Variants in PPIC observed in about 807,000 individuals in gnomAD.
PPIC encodes peptidyl-prolyl cis-trans isomerase C.
PPIC carries 19 observed loss-of-function variants against 19.5 expected under a neutral mutation model. That is an observed-to-expected ratio of 0.98 (90% CI 0.68 to 1.43). The LOEUF (loss-of-function observed/expected upper bound fraction) is 1.43, where lower values mean the gene tolerates loss of function less well. Ranked by LOEUF, PPIC falls within the 40% of genes most tolerant of loss-of-function variation. The pLI is 0.00. For synonymous variants in PPIC, 107 were observed against 101.2 expected, an observed-to-expected ratio of 1.06 and a Z score of -0.34; for missense variants, 268 against 268.6, an observed-to-expected ratio of 1.00 and a Z score of 0.02.
In PPIC at chr5:123,029,340, T is replaced by C. The variant is rs1762911846; in HGVS notation, c.196A>G (p.Thr66Ala). 2 of 1,613,242 alleles carry C rather than the reference T, an allele frequency of 1.2e-6. No individual in the cohort carries two copies. Among genetic ancestry groups the C allele is most frequent in the African/African-American group, 2.7e-5 (2 of 75,042 alleles). Residue 66 changes from threonine (T) to alanine (A), a missense_variant, in exon 2 of 5, where the codon ACA (threonine) becomes GCA (alanine). Coordinates refer to ENST00000306442, the MANE Select transcript of PPIC (RefSeq NM_000943.5). ...IGLFGKVVPKTVENFVALATG... is the reference protein window; with the variant it reads ...IGLFGKVVPKAVENFVALATG... ...GCTAGAGCAACAAAATTTTCCACTGTCTTGGGCACAACTTTTCCAAAGAGG... is the reference window on the plus strand; with the variant it reads ...GCTAGAGCAACAAAATTTTCCACTGCCTTGGGCACAACTTTTCCAAAGAGG...
intron 1 of PPIC, among the ~76,000 whole-genome samples, chr5:123,035,859 C>G (rs1240249155): frequency 1.3e-5 from 2 of 152,024 alleles, no homozygotes; most frequent in East Asian, 1.9e-4. Context: ...GGAGGCTGCC[C>G]CAGGTCTACA....
At position 123,023,957 on chromosome 5, in the gene PPIC, C is replaced by T. The variant is rs1357084862; in HGVS notation, c.557G>A (p.Arg186His). ...GATGATCGAGCAGTTGGTGAGTGGA[C>T]GGTCATGCCCATCAGTTGCTTGGAG... ...IELQATDGHDRPLTNCSIINS... is the reference protein window; with the variant it reads ...IELQATDGHDHPLTNCSIINS... The change falls in exon 5 of 5, where the codon CGT (arginine) becomes CAT (histidine). Residue 186 changes from arginine (R) to histidine (H), a missense_variant. By Grantham distance (29) the Arg-to-His change is conservative. Transcript: ENST00000306442. 3.1e-6 allele frequency: 5 copies of T among 1,614,024 alleles called. No homozygotes were observed. The highest frequency in any genetic ancestry group is 2.2e-5 in the East Asian group (1 of 44,876).
chr5:123,023,816 A>C lies in PPIC; in HGVS notation c.*59T>G. 6.3e-7 allele frequency: 1 copy of C among 1,576,528 alleles called. No individual in the cohort carries two copies. Among genetic ancestry groups the C allele is most frequent in the Non-Finnish European group, 8.6e-7 (1 of 1,159,502 alleles). ...AATTGAAAGACAACACAACACACACACACACACACACACACACACACCCCT... is the reference window on the plus strand; with the variant it reads ...AATTGAAAGACAACACAACACACACCCACACACACACACACACACACCCCT... On this transcript the variant is annotated 3_prime_UTR_variant, in exon 5 of 5. Transcript: ENST00000306442.
chr5:123,026,019 C>A (rs1762848132), intron 3 of PPIC, 51 bp from the exon 4 acceptor site: 1 of 1,490,454 alleles, frequency 6.7e-7, no homozygotes, highest in Non-Finnish European at 9.0e-7. Flanking sequence ...AAAGTCAGCT[C>A]TTCAAAGGGA....
At chr5:123,024,095 T>G (rs1050845651) in intron 4 of PPIC, 92 bp from the exon 5 acceptor site, 6 of 1,474,324 alleles carry the variant, frequency 4.1e-6, no homozygotes, top group Non-Finnish European at 5.5e-6. Context: ...AAAGCCCAAG[T>G]GGGAAGGAAA....
At chr5:123,031,334 C>T (rs1224016096) in intron 1 of PPIC, among the ~76,000 whole-genome samples, 1 of 152,168 alleles carries the variant, frequency 6.6e-6, no homozygotes, top group Admixed American at 6.5e-5. Context: ...GCCCCCCAAA[C>T]ACTGTATGCC....
At chr5:123,027,519 A>G (rs1009222699) in intron 3 of PPIC, among the ~76,000 whole-genome samples, 16 of 152,190 alleles carry the variant, frequency 1.1e-4, no homozygotes, top group African/African-American at 2.7e-4. Context: ...GGGTTTTCCA[A>G]TGAGATCCAC....
intron 1 of PPIC, among the ~76,000 whole-genome samples, chr5:123,030,006 C>T (rs1042591526): frequency 6.6e-6 from 1 of 152,132 alleles, no homozygotes; most frequent in Non-Finnish European, 1.5e-5. Context: ...CACTCATGTC[C>T]AAGCACAATA....
rs566604201 is a variant in PPIC, at chr5:123,025,671, A to T, written c.510+113T>A. On this transcript the variant is annotated intron_variant, in intron 4 of 4. Coordinates refer to ENST00000306442, the MANE Select transcript of PPIC (RefSeq NM_000943.5). ...TAATTTATTCACCTTTGAAGAGGCC[A>T]GTCAGCTATATAATGGATCTCTAAC... The T allele has an allele frequency of 3.5e-5, 38 of 1,078,066 alleles. No homozygotes were observed. The African/African-American group carries it at 6.2e-4, about 17-fold the overall frequency. The allele number at this position is 1,078,066 out of a possible 1,614,324, so 66.8% of individuals were successfully genotyped here.
At position 123,029,421 on chromosome 5, in the gene PPIC, G is replaced by T. The variant is rs1363331587; in HGVS notation, c.118-3C>A. 6.4e-7 allele frequency: 1 copy of T among 1,573,764 alleles called. No homozygotes were observed. The highest frequency in any genetic ancestry group is 1.9e-5 in the Admixed American group (1 of 53,204). Reference sequence around the variant, plus strand: ...CCAATCCTCACATCAAAGAAGACCTGTGTGCAGTTGAAAGGCAAAGTGGAA... The same window carrying T: ...CCAATCCTCACATCAAAGAAGACCTTTGTGCAGTTGAAAGGCAAAGTGGAA... On this transcript the variant is annotated splice_polypyrimidine_tract_variant and splice_region_variant and intron_variant, in intron 1 of 4. Coordinates refer to ENST00000306442, the MANE Select transcript of PPIC (RefSeq NM_000943.5).
Position 123,036,275 on chromosome 5 carries a change from A to T in PPIC, c.117+234T>A, listed in dbSNP as rs1165022367. 1 of 556,094 alleles carries T rather than the reference A, an allele frequency of 1.8e-6. No individual in the cohort carries two copies. The highest frequency in any genetic ancestry group is 3.2e-6 in the Non-Finnish European group (1 of 312,262). The allele number at this position is 556,094 out of a possible 1,614,324, so 34.4% of individuals were successfully genotyped here. ...CCGACCCGGGACAAGAAGTCCAAGC[A>T]GACTGCGGCGGAGGTAGGCTGGCCT... On this transcript the variant is annotated intron_variant, in intron 1 of 4. Transcript: ENST00000306442. The surrounding 1 kb of genome is among the most constrained non-coding windows in gnomAD (Gnocchi z 4.5).
chr5:123,035,999 G>C (rs1763004865), intron 1 of PPIC, among the ~76,000 whole-genome samples: 1 of 152,122 alleles, frequency 6.6e-6, no homozygotes, highest in Non-Finnish European at 1.5e-5. Flanking sequence ...TCTCTCATCT[G>C]AACCAGGCGC....
In PPIC at chr5:123,025,082, G is replaced by A. The variant is rs45547443; in HGVS notation, c.510+702C>T. On this transcript the variant is annotated intron_variant, in intron 4 of 4. Transcript: ENST00000306442. ...CTCTGTGAATGTGACCTAGGTGTCTGAGCTGAACCAGATGGGATTCTGGGG... is the reference window on the plus strand; with the variant it reads ...CTCTGTGAATGTGACCTAGGTGTCTAAGCTGAACCAGATGGGATTCTGGGG... Among the ~76,000 whole-genome samples the A allele has an allele frequency of 7.5e-4, 114 of 152,332 alleles. 1 individual carries two copies. The highest frequency in any genetic ancestry group is 2.6e-3 in the African/African-American group (107 of 41,582).
At chr5:123,028,499 T>A (rs1762895796) in intron 3 of PPIC, 2 of 341,760 alleles carry the variant, frequency 5.9e-6, no homozygotes, top group Non-Finnish European at 1.0e-5. Flanking sequence ...GGCTACTGAC[T>A]AGTAGTCTGG....
In PPIC at chr5:123,036,589, G is replaced by C. The variant is rs1763018645; in HGVS notation, c.37C>G (p.Leu13Val). ...PGPRLLLPLV[L>V]CVGLGALVFS... ...ACAAGTGCGCCGAGCCCCACGCAAA[G>C]CACGAGAGGTAGCAGCAGCCGAGGA... The change falls in exon 1 of 5, where the codon CTT becomes GTT. Residue 13 changes from leucine (L) to valine (V), a missense_variant. Coordinates refer to ENST00000306442, the MANE Select transcript of PPIC (RefSeq NM_000943.5). The surrounding 1 kb of genome is among the most constrained non-coding windows in gnomAD (Gnocchi z 4.5). 5 of 1,597,798 alleles carry C rather than the reference G, an allele frequency of 3.1e-6. No homozygotes were observed. The highest frequency in any genetic ancestry group is 1.3e-5 in the African/African-American group (1 of 74,760).
Position 123,029,401 on chromosome 5 carries a change from C to G in PPIC, c.135G>C (p.Arg45Ser). Residue 45 changes from arginine to serine, a missense_variant, in exon 2 of 5, where the codon AGG (arginine) becomes AGC (serine). Physicochemically the swap from Arg to Ser is moderately radical, Grantham distance 110. Coordinates refer to ENST00000306442, the MANE Select transcript of PPIC (RefSeq NM_000943.5). ...TTCTGCCAACATCTTTGTCTCCAATCCTCACATCAAAGAAGACCTGTGTGC... is the reference window on the plus strand; with the variant it reads ...TTCTGCCAACATCTTTGTCTCCAATGCTCACATCAAAGAAGACCTGTGTGC... ...SVTAKVFFDV[R>S]IGDKDVGRIV... 1.9e-6 allele frequency: 3 copies of G among 1,603,706 alleles called. No homozygotes were observed. In the South Asian group the frequency reaches 3.4e-5, roughly 18 times the overall value.
chr5:123,034,316 T>G (rs1762976287), intron 1 of PPIC, among the ~76,000 whole-genome samples: 1 of 152,140 alleles, frequency 6.6e-6, no homozygotes, highest in African/African-American at 2.4e-5. Context: ...AATGACAAAT[T>G]TGGTAGGGGG....
intron 3 of PPIC, among the ~76,000 whole-genome samples, chr5:123,027,169 G>C (rs964610098): frequency 2.0e-5 from 3 of 152,090 alleles, no homozygotes; most frequent in Non-Finnish European, 4.4e-5. Flanking sequence ...ACTCCAGCCT[G>C]GGTGACAGAG....
intron 4 of PPIC, among the ~76,000 whole-genome samples, chr5:123,024,685 T>C (rs1762825550): frequency 6.6e-6 from 1 of 152,204 alleles, no homozygotes; most frequent in Non-Finnish European, 1.5e-5. Flanking sequence ...GGCTACTAGC[T>C]CAGTTCCCAA....
Sources: allele counts gnomAD v4.1 joint callset (sites outside exome capture counted in the v4.1 genomes callset), GRCh38; gene constraint gnomAD v4.1.1; non-coding constraint Gnocchi (gnomAD v3.1); transcripts MANE v1.5; gene names NCBI Gene and HGNC (gene_info 2026-07-23, HGNC 2026-07-21).